Variants in SNRPD3 observed in about 807,000 individuals in gnomAD.
SNRPD3 encodes small nuclear ribonucleoprotein D3 polypeptide.
For synonymous variants in SNRPD3, 66 were observed against 58.4 expected, an observed-to-expected ratio of 1.13 and a Z score of -0.59; for missense variants, 73 against 167.5, an observed-to-expected ratio of 0.44 and a Z score of 3.11.
In SNRPD3 at chr22:24,572,485, G is replaced by C. The variant is rs538475934; in HGVS notation, c.*508G>C. 8.0e-6 allele frequency: 2 copies of C among 248,526 alleles called. No homozygotes were observed. The highest frequency in any genetic ancestry group is 1.0e-4 in the South Asian group (2 of 19,270). The allele number at this position is 248,526 out of a possible 1,614,324, so 15.4% of individuals were successfully genotyped here. ...TAAAGTCATAGGTAATTCAGGGGCT[G>C]GGTGCGGCGGCTCACGCATGTAATC... On this transcript the variant is annotated 3_prime_UTR_variant, in exon 4 of 4. Transcript: ENST00000215829.
intron 2 of SNRPD3, 109 bp from the exon 3 acceptor site, chr22:24,567,875 T>G (rs563416673): frequency 2.6e-6 from 2 of 777,144 alleles, no homozygotes; most frequent in African/African-American, 3.5e-5. Flanking sequence ...TCACCAGCTT[T>G]GTCACAATGT....
intron 2 of SNRPD3, among the ~76,000 whole-genome samples, chr22:24,563,004 A>T (rs1260850777): frequency 6.6e-6 from 1 of 152,178 alleles, no homozygotes; most frequent in African/African-American, 2.4e-5. Flanking sequence ...CCCATACAAA[A>T]TACCCTTTTA....
chr22:24,560,715 C>CCTTTT lies in SNRPD3; in HGVS notation c.126+2915_126+2916insCTTTT, dbSNP rs1569024539. Among the ~76,000 whole-genome samples the CCTTTT allele has an allele frequency of 3.0e-5, 3 of 98,864 alleles. 1 individual carries two copies. The highest frequency in any genetic ancestry group is 7.2e-4 in the South Asian group (2 of 2,776). 64.9% of individuals were successfully genotyped at this position (98,864 alleles called of 152,430 possible). ...ACAGGCGTGAGCCACTGCACCTGGC[C>CCTTTT]TTTTTTTTTTTTTTTTTTTTTTTTT... is the stretch of plus-strand genomic sequence containing the variant. On this transcript the variant is annotated intron_variant, in intron 2 of 3. Transcript: ENST00000215829.
Position 24,556,073 on chromosome 22 carries a change from T to C in SNRPD3, c.-19+2T>C. On this transcript the variant is annotated splice_donor_variant, in intron 1 of 3. Coordinates refer to ENST00000215829, the MANE Select transcript of SNRPD3 (RefSeq NM_004175.5). LOFTEE classifies it low-confidence loss of function (5UTR_SPLICE). ...GAGAAGAAAAGTAGGCCAGAGCCGG[T>C]GAGGCTGGGGACGGGCGAGGGGAGG... 1.7e-6 allele frequency: 1 copy of C among 597,058 alleles called. No homozygotes were observed. Among genetic ancestry groups the C allele is most frequent in the East Asian group, 2.8e-5 (1 of 35,736 alleles). The allele number at this position is 597,058 out of a possible 1,614,324, so 37.0% of individuals were successfully genotyped here. A position where few individuals can be genotyped will look rare whatever the true frequency, so the allele number is the denominator to read the frequency against.
At chr22:24,563,559 C>A (rs1057398539) in intron 2 of SNRPD3, among the ~76,000 whole-genome samples, 2 of 152,080 alleles carry the variant, frequency 1.3e-5, no homozygotes, top group African/African-American at 4.8e-5. Flanking sequence ...AATAACAATA[C>A]TCCAAAATAT....
intron 2 of SNRPD3, among the ~76,000 whole-genome samples, chr22:24,567,530 TG>T (rs1158584433): frequency 6.6e-6 from 1 of 152,192 alleles, no homozygotes; most frequent in African/African-American, 2.4e-5. Context: ...GCAGATCACC[TG>T]AGGTCAGGAG....
chr22:24,563,248 G>A (rs937796777), intron 2 of SNRPD3, among the ~76,000 whole-genome samples: 71 of 6,860 alleles, frequency 0.01, no homozygotes, highest in Non-Finnish European at 0.013. Flanking sequence ...GTGTGTATGT[G>A]TGTATGTATG....
rs527466276 is a variant in SNRPD3, at chr22:24,557,017, A to T, written c.-18-640A>T. Among the ~76,000 whole-genome samples the T allele has an allele frequency of 2.0e-5, 3 of 152,352 alleles. No individual in the cohort carries two copies. In the East Asian group the frequency reaches 5.8e-4, roughly 29 times the overall value. ...AATAAGTGAAGGGTTAAAGGGCTGA[A>T]TTAAAAGTACAGCCTGCTCTCCTAG... is the stretch of plus-strand genomic sequence containing the variant. On this transcript the variant is annotated intron_variant, in intron 1 of 3. Coordinates refer to ENST00000215829, the MANE Select transcript of SNRPD3 (RefSeq NM_004175.5).
chr22:24,568,191 T>C lies in SNRPD3; in HGVS notation c.319+15T>C, dbSNP rs762750578. On this transcript the variant is annotated intron_variant, in intron 3 of 3. Coordinates refer to ENST00000215829, the MANE Select transcript of SNRPD3 (RefSeq NM_004175.5). ...CAAGGCCCAAGGTAGGTGCTTTTCATGCACAGGTTTTAAAATATAGGTTTG... is the reference window on the plus strand; with the variant it reads ...CAAGGCCCAAGGTAGGTGCTTTTCACGCACAGGTTTTAAAATATAGGTTTG... The C allele has an allele frequency of 1.3e-5, 20 of 1,592,648 alleles. 1 individual carries two copies. The South Asian group carries it at 1.5e-4, about 12-fold the overall frequency.
At chr22:24,562,293 G>C (rs943060755) in intron 2 of SNRPD3, among the ~76,000 whole-genome samples, 10 of 152,210 alleles carry the variant, frequency 6.6e-5, no homozygotes, top group African/African-American at 2.4e-4. Context: ...TGTAATCCCA[G>C]CACTTTGGGA....
intron 1 of SNRPD3, among the ~76,000 whole-genome samples, chr22:24,556,482 A>AT (rs2045068725): frequency 6.6e-6 from 1 of 150,774 alleles, no homozygotes; most frequent in African/African-American, 2.5e-5. Context: ...AAGTGCTGGG[A>AT]TTACAGGCGT....
At chr22:24,564,997 C>G (rs1042752939) in intron 2 of SNRPD3, among the ~76,000 whole-genome samples, 5 of 151,508 alleles carry the variant, frequency 3.3e-5, no homozygotes, top group Non-Finnish European at 7.4e-5. Flanking sequence ...CATCCTCCCA[C>G]CTCAGCCTCC....
chr22:24,563,503 C>T (rs1389042454), intron 2 of SNRPD3, among the ~76,000 whole-genome samples: 1 of 151,850 alleles, frequency 6.6e-6, no homozygotes, highest in Non-Finnish European at 1.5e-5. Flanking sequence ...GCATCAGCTG[C>T]AGGATATGGC....
chr22:24,568,237 G>A, intron 3 of SNRPD3, 61 bp downstream of exon 3: 1 of 1,362,036 alleles, frequency 7.3e-7, no homozygotes, highest in Non-Finnish European at 1.0e-6. Flanking sequence ...TGTAGAAAGG[G>A]GCCCTATTAC....
chr22:24,563,385 T>C (rs2045166865), intron 2 of SNRPD3, among the ~76,000 whole-genome samples: 1 of 151,582 alleles, frequency 6.6e-6, no homozygotes, highest in South Asian at 2.1e-4. Flanking sequence ...GCTTATCGGG[T>C]CAGAGGGTGT....
intron 1 of SNRPD3, among the ~76,000 whole-genome samples, chr22:24,557,430 C>T (rs1477643809): frequency 6.6e-6 from 1 of 151,990 alleles, no homozygotes; most frequent in East Asian, 1.9e-4. Context: ...CCTAGTTTTA[C>T]TTCTGTCCAT....
chr22:24,560,472 T>G (rs2045125186), intron 2 of SNRPD3, among the ~76,000 whole-genome samples: 3 of 94,282 alleles, frequency 3.2e-5, no homozygotes, highest in Admixed American at 1.7e-4. Flanking sequence ...TTTTTGAGAG[T>G]CTCACTCTGT....
upstream of SNRPD3, chr22:24,555,881 G>T: frequency 6.6e-7 from 1 of 1,515,728 alleles, no homozygotes; most frequent in Non-Finnish European, 8.9e-7. Context: ...TTCCCAGCCG[G>T]CAGGCGGAGT....
intron 3 of SNRPD3, 29 bp from the exon 4 acceptor site, chr22:24,571,887 C>G (rs1056760298): frequency 6.2e-7 from 1 of 1,613,658 alleles, no homozygotes. Flanking sequence ...CCACACTGAC[C>G]TGGCCTCATA....
Sources: gnomAD v4.1 joint callset for allele counts (sites outside exome capture counted in the v4.1 genomes callset) on GRCh38, gnomAD v4.1.1 for gene constraint, MANE v1.5 for transcripts, NCBI Gene and HGNC (gene_info 2026-07-23, HGNC 2026-07-21) for gene names.